SAMD5: variants seen among roughly 807,000 people sequenced by gnomAD.
SAMD5 encodes the protein sterile alpha motif domain-containing protein 5.
A neutral mutation model predicts 11.3 loss-of-function variants in SAMD5; 13 were observed. That is an observed-to-expected ratio of 1.15 (90% CI 0.75 to 1.83). The LOEUF (loss-of-function observed/expected upper bound fraction) is 1.83. SAMD5 is among the 40% of genes most tolerant of loss of function. The probability of loss-of-function intolerance (pLI) is 0.00; values close to 1 mark genes in which losing one functional copy is unlikely to be tolerated. For missense variants in SAMD5, 255 were observed against 239.1 expected (o/e 1.07, Z -0.44); for synonymous variants, 129 against 111.3 (o/e 1.16, Z -1.00).
chr6:147,936,223 C>T, the SAMD5 span, among the ~76,000 whole-genome samples: 1 of 152,122 alleles, frequency 6.6e-6, no homozygotes, highest in African/African-American at 2.4e-5. Flanking sequence ...GACTATTACC[C>T]TTGTATTAGT....
the SAMD5 span, among the ~76,000 whole-genome samples, chr6:147,763,967 T>C: frequency 3.3e-5 from 5 of 152,278 alleles, no homozygotes; most frequent in African/African-American, 1.2e-4. Flanking sequence ...CCTCTAGTCC[T>C]GACTTGGGTG....
chr6:147,616,942 G>A (rs1203280875), intron 1 of SAMD5, among the ~76,000 whole-genome samples: 1 of 152,188 alleles, frequency 6.6e-6, no homozygotes, highest in African/African-American at 2.4e-5. Flanking sequence ...TCCCTCCCTT[G>A]ACACGTGGGG....
the SAMD5 span, among the ~76,000 whole-genome samples, chr6:147,807,893 A>G: frequency 6.6e-6 from 1 of 152,254 alleles, no homozygotes; most frequent in Admixed American, 6.5e-5. Flanking sequence ...GCTAAACACC[A>G]GACACGTGGC....
chr6:147,910,974 C>G, the SAMD5 span, among the ~76,000 whole-genome samples: 1 of 152,254 alleles, frequency 6.6e-6, no homozygotes, highest in African/African-American at 2.4e-5. Flanking sequence ...GAATACATCT[C>G]TTTGTGGTGT....
At chr6:147,589,738 A>T (rs989997212) in intron 1 of SAMD5, among the ~76,000 whole-genome samples, 1 of 152,342 alleles carries the variant, frequency 6.6e-6, no homozygotes, top group Middle Eastern at 3.4e-3. Flanking sequence ...AGCTTGGCAC[A>T]TAAAAAGTGC....
the SAMD5 span, among the ~76,000 whole-genome samples, chr6:147,904,925 G>A: frequency 7.0e-6 from 1 of 142,616 alleles, no homozygotes; most frequent in Non-Finnish European, 1.5e-5. Flanking sequence ...TTTTGCTCTT[G>A]TTCCCCAGGC....
the SAMD5 span, among the ~76,000 whole-genome samples, chr6:147,860,082 T>C: frequency 6.6e-6 from 1 of 152,166 alleles, no homozygotes; most frequent in Admixed American, 6.5e-5. Context: ...ATTCTAGAAG[T>C]CTGAAATCAA....
the SAMD5 span, among the ~76,000 whole-genome samples, chr6:147,950,520 T>A: frequency 6.6e-6 from 1 of 152,136 alleles, no homozygotes; most frequent in Non-Finnish European, 1.5e-5. Context: ...CTAACTCACA[T>A]TTGGCCCCGA....
intron 1 of SAMD5, among the ~76,000 whole-genome samples, chr6:147,537,357 A>T (rs1343657782): frequency 6.6e-6 from 1 of 152,190 alleles, no homozygotes; most frequent in Non-Finnish European, 1.5e-5. Flanking sequence ...AGTTTGTTAA[A>T]TATTAAAGGT....
At chr6:147,614,282 A>G (rs2128449427) in intron 1 of SAMD5, among the ~76,000 whole-genome samples, 1 of 151,914 alleles carries the variant, frequency 6.6e-6, no homozygotes, top group African/African-American at 2.4e-5. Context: ...AGCCTAATCA[A>G]CATGGTGAAA....
the SAMD5 span, among the ~76,000 whole-genome samples, chr6:147,792,822 C>T: frequency 1.3e-5 from 2 of 152,226 alleles, no homozygotes; most frequent in East Asian, 3.9e-4. Context: ...TGAAAGTGCT[C>T]CCAATGGCTG....
chr6:147,586,065 AT>A lies in SAMD5; in HGVS notation c.162+76679del, dbSNP rs1257847807. 5.9e-5 allele frequency among the ~76,000 whole-genome samples: 9 copies of A among 152,258 alleles called. No homozygotes were observed. The East Asian group carries it at 1.7e-3, about 29-fold the overall frequency. On this transcript the variant is annotated intron_variant, in intron 1 of 1. Coordinates refer to the SAMD5 transcript ENST00000566741. ...GCTGAGATAGCAGTCTTCCTCAAGG[AT>A]GGCCATTGTAGGGCGCCATGATTAA...
At chr6:147,512,859 T>C (rs959988774) in intron 1 of SAMD5, among the ~76,000 whole-genome samples, 3 of 152,172 alleles carry the variant, frequency 2.0e-5, no homozygotes, top group Non-Finnish European at 4.4e-5. Flanking sequence ...ATAATGATAA[T>C]GTGTGACGAT....
At chr6:147,550,541 G>C (rs1233903159) in intron 1 of SAMD5, among the ~76,000 whole-genome samples, 1 of 152,076 alleles carries the variant, frequency 6.6e-6, no homozygotes, top group Non-Finnish European at 1.5e-5. Flanking sequence ...AAAAAATGTG[G>C]TATATATACA....
At chr6:147,746,255 T>G in the SAMD5 span, among the ~76,000 whole-genome samples, 1 of 152,104 alleles carries the variant, frequency 6.6e-6, no homozygotes, top group Non-Finnish European at 1.5e-5. Flanking sequence ...CCCTTCCTCC[T>G]CTTTTGAGTG....
the SAMD5 span, among the ~76,000 whole-genome samples, chr6:147,860,458 C>T: frequency 2.0e-5 from 3 of 152,136 alleles, no homozygotes; most frequent in African/African-American, 2.4e-5. Context: ...CTCCATTGCA[C>T]GTCTTTAAAC....
chr6:147,632,414 A>G (rs1016909439), intron 1 of SAMD5, among the ~76,000 whole-genome samples: 8 of 152,208 alleles, frequency 5.3e-5, no homozygotes, highest in Admixed American at 4.6e-4. Context: ...GAGTTAAGGC[A>G]ATGAGTTCGG....
the SAMD5 span, among the ~76,000 whole-genome samples, chr6:147,814,713 T>C: frequency 6.6e-6 from 1 of 152,228 alleles, no homozygotes; most frequent in African/African-American, 2.4e-5. Flanking sequence ...CCTTTTATTC[T>C]TCTAAAAACA....
At chr6:147,664,842 G>C (rs901800594) in intron 1 of SAMD5, among the ~76,000 whole-genome samples, 2 of 152,054 alleles carry the variant, frequency 1.3e-5, no homozygotes, top group Non-Finnish European at 2.9e-5. Flanking sequence ...ATAGCACCAA[G>C]CAAGCATTTG....
Sources: gnomAD v4.1 joint callset for allele counts (sites outside exome capture counted in the v4.1 genomes callset) on GRCh38, gnomAD v4.1.1 for gene constraint, MANE v1.5 for transcripts, NCBI Gene and HGNC (gene_info 2026-07-23, HGNC 2026-07-21) for gene names.